Variants in FGF14 observed in about 807,000 individuals in gnomAD.
FGF14 encodes fibroblast growth factor 14.
In FGF14, 5 loss-of-function variants were observed where a neutral mutation model predicts 25.5. That is an observed-to-expected ratio of 0.20 (90% confidence interval 0.10 to 0.41). FGF14 has a LOEUF of 0.41. Among genes scored for constraint, FGF14 ranks in the 10% least tolerant of loss-of-function variants. The pLI is 1.00. For missense variants in FGF14, 222 were observed against 320.1 expected (o/e 0.69, Z 2.34); for synonymous variants, 138 against 118.3 (o/e 1.17, Z -1.08).
intron 1 of FGF14, among the ~76,000 whole-genome samples, chr13:102,270,851 G>A (rs754573928): frequency 4.6e-5 from 7 of 152,078 alleles, no homozygotes; most frequent in African/African-American, 1.2e-4. Context: ...TGGTGTTTGG[G>A]TATATATTCT....
chr13:102,226,654 C>A (rs1392790529), intron 1 of FGF14, among the ~76,000 whole-genome samples: 1 of 152,148 alleles, frequency 6.6e-6, no homozygotes, highest in East Asian at 1.9e-4. Flanking sequence ...GCTTATTCTT[C>A]CAGTTTTTGG....
At chr13:102,328,469 A>G (rs1031656475) in intron 1 of FGF14, among the ~76,000 whole-genome samples, 1 of 152,354 alleles carries the variant, frequency 6.6e-6, no homozygotes, top group African/African-American at 2.4e-5. Context: ...ATTTTCCCAC[A>G]TAAAGCACAG....
At chr13:102,029,531 A>G (rs2041106043) in intron 1 of FGF14, among the ~76,000 whole-genome samples, 1 of 152,078 alleles carries the variant, frequency 6.6e-6, no homozygotes, top group South Asian at 2.1e-4. Flanking sequence ...TGTCATTACA[A>G]ACAACTCAAA....
At chr13:102,105,345 T>C (rs890839765) in intron 1 of FGF14, among the ~76,000 whole-genome samples, 1 of 152,226 alleles carries the variant, frequency 6.6e-6, no homozygotes, top group African/African-American at 2.4e-5. Flanking sequence ...TAGGCATTTT[T>C]CCCTGATTAT....
At chr13:101,909,679 T>C (rs1247975906) in intron 1 of FGF14, among the ~76,000 whole-genome samples, 2 of 152,192 alleles carry the variant, frequency 1.3e-5, no homozygotes, top group Non-Finnish European at 2.9e-5. Context: ...TGGAAGTCAG[T>C]GTGGCGATTC....
chr13:102,387,847 T>C (rs932829314), intron 1 of FGF14, among the ~76,000 whole-genome samples: 9 of 152,178 alleles, frequency 5.9e-5, no homozygotes, highest in Admixed American at 2.0e-4. Context: ...TTCTCCTGCC[T>C]CAGCCTCCTG....
intron 1 of FGF14, among the ~76,000 whole-genome samples, chr13:102,332,471 A>C (rs975523237): frequency 6.6e-6 from 1 of 152,182 alleles, no homozygotes; most frequent in Non-Finnish European, 1.5e-5. Flanking sequence ...ATGAAACATT[A>C]ATGAGAATCC....
chr13:101,916,330 A>T, intron 1 of FGF14, 123 bp downstream of exon 1: 1 of 1,226,996 alleles, frequency 8.1e-7, no homozygotes, highest in South Asian at 1.3e-5. Flanking sequence ...CAGAGTGCTC[A>T]GAAGGGAGGC....
At position 101,916,874 on chromosome 13, in the gene FGF14, G is replaced by A. The variant is rs1203884737; in HGVS notation, c.-229C>T. Among the ~76,000 whole-genome samples, 3 of 152,104 alleles carry A rather than the reference G, an allele frequency of 2.0e-5. No homozygotes were observed. Among genetic ancestry groups the A allele is most frequent in the Non-Finnish European group, 4.4e-5 (3 of 67,990 alleles). On this transcript the variant is annotated 5_prime_UTR_variant, in exon 1 of 5. Transcript: ENST00000376143. ...AGATGCGCCCAGGGCGCAGCCGGAC[G>A]ATCCCGGGAAGCCGGACGTCGTGGC...
intron 1 of FGF14, among the ~76,000 whole-genome samples, chr13:102,059,699 A>C (rs1426944977): frequency 6.6e-6 from 1 of 152,118 alleles, no homozygotes; most frequent in Non-Finnish European, 1.5e-5. Flanking sequence ...AAAAATGCAA[A>C]ACTTAGCCAG....
At chr13:101,846,167 T>C (rs895693888) in intron 3 of FGF14, among the ~76,000 whole-genome samples, 1 of 151,890 alleles carries the variant, frequency 6.6e-6, no homozygotes, top group Admixed American at 6.6e-5. Flanking sequence ...CTAATGTCTA[T>C]CAATGAAATG....
intron 1 of FGF14, among the ~76,000 whole-genome samples, chr13:102,233,368 C>A (rs150622222): frequency 2.6e-5 from 4 of 152,074 alleles, no homozygotes; most frequent in South Asian, 2.1e-4. Context: ...TGACCTCAGG[C>A]GATCCACCCA....
At chr13:102,247,198 C>T (rs2051920329) in intron 1 of FGF14, among the ~76,000 whole-genome samples, 1 of 151,824 alleles carries the variant, frequency 6.6e-6, no homozygotes, top group African/African-American at 2.4e-5. Flanking sequence ...GATGAAGATG[C>T]CAAAAACAAT....
chr13:101,848,048 T>C (rs1363106234), intron 3 of FGF14, among the ~76,000 whole-genome samples: 2 of 151,988 alleles, frequency 1.3e-5, no homozygotes, highest in Admixed American at 1.3e-4. Context: ...TTAAAATGGT[T>C]TAGACAGTTA....
chr13:102,249,210 G>A (rs1031779158), intron 1 of FGF14, among the ~76,000 whole-genome samples: 1 of 152,128 alleles, frequency 6.6e-6, no homozygotes, highest in Non-Finnish European at 1.5e-5. Context: ...CCAAGGAGTG[G>A]GAGTTTATCC....
At chr13:102,223,608 C>A (rs1163270703) in intron 1 of FGF14, among the ~76,000 whole-genome samples, 3 of 152,142 alleles carry the variant, frequency 2.0e-5, no homozygotes, top group African/African-American at 7.2e-5. Context: ...CTATGGCTTT[C>A]AGAAGGACTT....
At chr13:101,753,298 G>C (rs867803487) in intron 3 of FGF14, among the ~76,000 whole-genome samples, 1 of 145,802 alleles carries the variant, frequency 6.9e-6, no homozygotes, top group African/African-American at 2.5e-5. Context: ...CACACAGACA[G>C]ACACACACAC....
intron 1 of FGF14, among the ~76,000 whole-genome samples, chr13:102,330,004 C>A (rs1248714270): frequency 1.3e-5 from 2 of 152,166 alleles, no homozygotes; most frequent in Admixed American, 6.5e-5. Flanking sequence ...CAAAGTTAAA[C>A]CCGCAATCGT....
At chr13:101,766,885 G>C (rs558457503) in intron 3 of FGF14, among the ~76,000 whole-genome samples, 24 of 152,200 alleles carry the variant, frequency 1.6e-4, no homozygotes, top group Admixed American at 1.4e-3. Flanking sequence ...AATGAGGAGA[G>C]AGGCATAGAA....
Sources: gnomAD v4.1 joint callset for allele counts (sites outside exome capture counted in the v4.1 genomes callset) on GRCh38, gnomAD v4.1.1 for gene constraint, MANE v1.5 for transcripts, NCBI Gene and HGNC (gene_info 2026-07-23, HGNC 2026-07-21) for gene names.